NOM1: variants seen among roughly 807,000 people sequenced by gnomAD.
NOM1 encodes the protein nucleolar protein with MIF4G domain 1, also known as nucleolar MIF4G domain-containing protein 1.
Under a neutral mutation model 73.3 loss-of-function variants are expected in NOM1, and 58 were observed. That is an observed-to-expected ratio of 0.79 (90% CI 0.64 to 0.99). The LOEUF is 0.99. NOM1 is among the 50% of genes least tolerant of loss of function. The pLI is 0.00. For synonymous variants in NOM1, 487 were observed against 446.8 expected (o/e 1.09, Z -1.14); for missense variants, 1,226 against 1,131.9 (o/e 1.08, Z -1.19).
intron 7 of NOM1, among the ~76,000 whole-genome samples, chr7:156,964,684 T>A (rs892459747): frequency 5.9e-5 from 9 of 152,222 alleles, no homozygotes; most frequent in African/African-American, 1.9e-4. Flanking sequence ...CAAACTAGGA[T>A]GAAATACAGG....
At chr7:156,962,371 G>A (rs1413517454) in intron 5 of NOM1, 110 bp downstream of exon 5, 5 of 875,102 alleles carry the variant, frequency 5.7e-6, no homozygotes, top group Non-Finnish European at 7.5e-6. Context: ...GGTGTCTGGT[G>A]AGTGAGAGTG....
At chr7:156,963,729 G>A in intron 6 of NOM1, 176 bp from the exon 7 acceptor site, 1 of 583,118 alleles carries the variant, frequency 1.7e-6, no homozygotes, top group Non-Finnish European at 2.8e-6. Context: ...AGCGGCTGTG[G>A]CTTCACTATG....
intron 9 of NOM1, among the ~76,000 whole-genome samples, chr7:156,967,801 G>A (rs1805037545): frequency 6.6e-6 from 1 of 152,148 alleles, no homozygotes; most frequent in African/African-American, 2.4e-5. Flanking sequence ...AATATTACAG[G>A]TGTGAGCCAG....
chr7:156,962,543 G>C (rs377615259), intron 5 of NOM1, among the ~76,000 whole-genome samples: 1 of 152,192 alleles, frequency 6.6e-6, no homozygotes, highest in African/African-American at 2.4e-5. Context: ...TGGATCATCC[G>C]ATGCTTTCAG....
Position 156,966,378 on chromosome 7 carries a change from C to T in NOM1, c.2142C>T (p.Phe714=), listed in dbSNP as rs116895828. ...TCTATGCTTTCCTGGCTAGCAAATT[C>T]TGTGAATATGAAAGGAGATTTCAGG... is the stretch of plus-strand genomic sequence containing the variant. ...NPFYAFLASK[F]CEYERRFQMT... Residue 714 remains phenylalanine, a synonymous_variant, in exon 8 of 11, where the codon TTC becomes TTT. Coordinates refer to ENST00000275820, the MANE Select transcript of NOM1 (RefSeq NM_138400.2). 6.2e-7 allele frequency: 1 copy of T among 1,614,058 alleles called. No individual in the cohort carries two copies. Among genetic ancestry groups the T allele is most frequent in the Admixed American group, 1.7e-5 (1 of 60,008 alleles).
chr7:156,962,150 G>A lies in NOM1; in HGVS notation c.1633-1G>A. 1 of 1,613,016 alleles carries A rather than the reference G, an allele frequency of 6.2e-7. No homozygotes were observed. The highest frequency in any genetic ancestry group is 8.5e-7 in the Non-Finnish European group (1 of 1,179,138). On this transcript the variant is annotated splice_acceptor_variant, in intron 4 of 10. Transcript: ENST00000275820. LOFTEE classifies it high-confidence loss of function. ...TTTCCATTTTTTCATTTTTCTTGAA[G>A]ATTCGGTTTATGCTAGAGACGATGT...
intron 9 of NOM1, 35 bp downstream of exon 9, chr7:156,967,127 G>A (rs746372689): frequency 1.2e-6 from 2 of 1,603,190 alleles, no homozygotes; most frequent in East Asian, 4.5e-5. Context: ...GAAAGCAATG[G>A]AAATGGGAGT....
At chr7:156,954,522 C>CTT (rs34176770) in intron 3 of NOM1, among the ~76,000 whole-genome samples, 1,783 of 101,614 alleles carry the variant, frequency 0.018, 154 homozygotes, top group African/African-American at 0.062. Context: ...TCTGTCCATT[C>CTT]TTTTTTTTTT....
chr7:156,959,932 A>G lies in NOM1; in HGVS notation c.1390A>G (p.Asn464Asp), dbSNP rs1804821758. The change falls in exon 4 of 11, where the codon AAC becomes GAC. Residue 464 changes from asparagine (N) to aspartate (D), a missense_variant. Transcript: ENST00000275820. ...KYGSEGKECD[N>D]LFTVIAHLYN... ...CGGAAGCGAAGGGAAAGAGTGTGAC[A>G]ACCTGTTCACCGTCATTGCCCATTT... The G allele has an allele frequency of 1.9e-6, 3 of 1,613,546 alleles. No individual in the cohort carries two copies. The highest frequency in any genetic ancestry group is 4.5e-5 in the East Asian group (2 of 44,822).
intron 3 of NOM1, 137 bp downstream of exon 3, chr7:156,954,435 T>C (rs1804669289): frequency 4.6e-6 from 3 of 655,744 alleles, no homozygotes; most frequent in African/African-American, 3.8e-5. Context: ...AAATACTCTA[T>C]TGTCTATGTC....
At position 156,955,898 on chromosome 7, in the gene NOM1, A is replaced by T. The variant is rs1411058818; in HGVS notation, c.1308+1600A>T. Among the ~76,000 whole-genome samples, 4 of 152,312 alleles carry T rather than the reference A, an allele frequency of 2.6e-5. No homozygotes were observed. In the South Asian group the frequency reaches 8.3e-4, roughly 32 times the overall value. On this transcript the variant is annotated intron_variant, in intron 3 of 10. Transcript: ENST00000275820. ...CTCTCCAAAGCTTGCTTTAAGATGC[A>T]CATATTTGCCGGCCGGGCGCGGTGG...
At chr7:156,952,437 T>C (rs758659483) in intron 1 of NOM1, 37 bp from the exon 2 acceptor site, 20 of 1,595,228 alleles carry the variant, frequency 1.3e-5, no homozygotes, top group African/African-American at 1.4e-5. Context: ...ATTTGGTCAG[T>C]GTAAATTTTT....
Position 156,963,088 on chromosome 7 carries a change from C to G in NOM1, c.1824C>G (p.Arg608=). The G allele has an allele frequency of 6.2e-7, 1 of 1,614,214 alleles. No individual in the cohort carries two copies. The highest frequency in any genetic ancestry group is 1.3e-5 in the African/African-American group (1 of 75,050). Residue 608 remains arginine (R), a synonymous_variant, in exon 6 of 11, where the codon CGC becomes CGG. Coordinates refer to ENST00000275820, the MANE Select transcript of NOM1 (RefSeq NM_138400.2). The part of the protein sequence containing the change: ...DSVLSAEQTG[R]WWIVGSAWSG... Reference sequence around the variant, plus strand: ...TCTTGAGTGCGGAGCAGACGGGTCGCTGGTGGATTGTGGGGTCCGCCTGGA... The same window carrying G: ...TCTTGAGTGCGGAGCAGACGGGTCGGTGGTGGATTGTGGGGTCCGCCTGGA...
chr7:156,971,266 C>T lies in NOM1; in HGVS notation c.*1563C>T, dbSNP rs991575862. 2.0e-5 allele frequency: 3 copies of T among 152,152 alleles called. No individual in the cohort carries two copies. Among genetic ancestry groups the T allele is most frequent in the African/African-American group, 7.2e-5 (3 of 41,414 alleles). The allele number at this position is 152,152 out of a possible 1,614,324, so 9.4% of individuals were successfully genotyped here. A position where few individuals can be genotyped will look rare whatever the true frequency, so the allele number is the denominator to read the frequency against. ...TAGACATTGAGAGGTTATATATGTC[C>T]AAAACTCATCTGTCCAGCAGTCACC... On this transcript the variant is annotated 3_prime_UTR_variant, in exon 11 of 11. Transcript: ENST00000275820.
In NOM1 at chr7:156,963,942, G is replaced by C; in HGVS notation, c.1949G>C (p.Arg650Thr). Reference sequence around the variant, plus strand: ...ATCCTAGAACTCGCCCGGAAGCAGAGGATGAACACAGACATCCGGAGAAAC... The same window carrying C: ...ATCCTAGAACTCGCCCGGAAGCAGACGATGAACACAGACATCCGGAGAAAC... ...SKILELARKQ[R>T]MNTDIRRNIF... The change falls in exon 7 of 11, where the codon AGG becomes ACG. Residue 650 changes from arginine to threonine, a missense_variant. Transcript: ENST00000275820. The C allele has an allele frequency of 6.2e-7, 1 of 1,614,160 alleles. No homozygotes were observed. The highest frequency in any genetic ancestry group is 2.2e-5 in the East Asian group (1 of 44,890).
At chr7:156,966,429 C>G in intron 8 of NOM1, 27 bp downstream of exon 8, 1 of 1,612,920 alleles carries the variant, frequency 6.2e-7, no homozygotes, top group Non-Finnish European at 8.5e-7. Context: ...GCACCAGTTA[C>G]GTCCGCTCTA....
chr7:156,966,134 C>CCG, intron 7 of NOM1, 136 bp from the exon 8 acceptor site: 3 of 1,047,216 alleles, frequency 2.9e-6, no homozygotes, highest in African/African-American at 1.6e-5. Context: ...CTGGTGTCTG[C>CCG]CGCTGCCTCC....
Position 156,949,725 on chromosome 7 carries a change from C to A in NOM1, c.-13C>A, listed in dbSNP as rs1446279026. 7 of 1,341,670 alleles carry A rather than the reference C, an allele frequency of 5.2e-6. No individual in the cohort carries two copies. The highest frequency in any genetic ancestry group is 6.7e-6 in the Non-Finnish European group (7 of 1,051,770). The allele number at this position is 1,341,670 out of a possible 1,614,324, so 83.1% of individuals were successfully genotyped here. A position where few individuals can be genotyped will look rare whatever the true frequency, so the allele number is the denominator to read the frequency against. ...GCCTCGGCCGGAAGTCGTGCGTCCA[C>A]GCGTTTCGAAAGATGGCGGCGTCCA... On this transcript the variant is annotated 5_prime_UTR_variant, in exon 1 of 11. Transcript: ENST00000275820.
intron 4 of NOM1, among the ~76,000 whole-genome samples, chr7:156,960,513 C>T (rs957795907): frequency 5.9e-5 from 9 of 152,156 alleles, no homozygotes; most frequent in Admixed American, 3.3e-4. Flanking sequence ...GCCTCAGTTT[C>T]CCCCTCTGTA....
Sources: allele counts gnomAD v4.1 joint callset (sites outside exome capture counted in the v4.1 genomes callset), GRCh38; gene constraint gnomAD v4.1.1; transcripts MANE v1.5; gene names NCBI Gene and HGNC (gene_info 2026-07-23, HGNC 2026-07-21).